CSMD1: variants seen among roughly 807,000 people sequenced by gnomAD.
CSMD1 encodes the protein CUB and sushi domain-containing protein 1.
CSMD1 carries 213 observed loss-of-function variants against 417.5 expected under a neutral mutation model. The observed-to-expected ratio is 0.51, with a 90% confidence interval of 0.46 to 0.57. The LOEUF is 0.57. Among genes scored for constraint, CSMD1 ranks in the 20% least tolerant of loss-of-function variants. CSMD1 has a pLI of 0.00. For synonymous variants in CSMD1, 2,862 were observed against 1,736.8 expected (o/e 1.65, Z -16.11); for missense variants, 6,923 against 4,529.7 (o/e 1.53, Z -15.17).
chr8:4,416,108 C>G (rs1356197886), intron 3 of CSMD1, among the ~76,000 whole-genome samples: 2 of 152,126 alleles, frequency 1.3e-5, no homozygotes. Flanking sequence ...AAATTGTGTC[C>G]TATCTGTACA....
At chr8:3,150,407 T>G (rs1490438593) in intron 40 of CSMD1, among the ~76,000 whole-genome samples, 1 of 152,186 alleles carries the variant, frequency 6.6e-6, no homozygotes, top group African/African-American at 2.4e-5. Context: ...CTGATTGACC[T>G]GTCGGGCCGT....
chr8:4,983,098 C>T (rs1810987546), intron 1 of CSMD1, among the ~76,000 whole-genome samples: 3 of 152,086 alleles, frequency 2.0e-5, no homozygotes, highest in South Asian at 4.1e-4. Flanking sequence ...ACTCAGTATA[C>T]AAAGAAAAAC....
At chr8:2,961,242 A>C (rs761876115) in intron 61 of CSMD1, 28 bp from the exon 62 acceptor site, 2 of 1,428,494 alleles carry the variant, frequency 1.4e-6, no homozygotes, top group East Asian at 2.3e-5. Context: ...AAAAGAAAAG[A>C]GGGCACCAGA....
chr8:3,936,656 G>A (rs139318499), intron 5 of CSMD1, among the ~76,000 whole-genome samples: 10 of 152,146 alleles, frequency 6.6e-5, no homozygotes, highest in Non-Finnish European at 1.5e-4. Flanking sequence ...TCTAAATATT[G>A]CTGCTCTTTA....
intron 3 of CSMD1, among the ~76,000 whole-genome samples, chr8:4,054,638 A>G (rs536021315): frequency 1.3e-5 from 2 of 152,254 alleles, no homozygotes; most frequent in Admixed American, 1.3e-4. Flanking sequence ...TAAAACACAT[A>G]GGTAATGAAC....
chr8:3,171,297 T>G (rs767129900), intron 37 of CSMD1, among the ~76,000 whole-genome samples: 31 of 152,180 alleles, frequency 2.0e-4, no homozygotes, highest in Non-Finnish European at 4.0e-4. Context: ...AAGTAAAGAA[T>G]AGACAACCTG....
At chr8:3,442,936 T>C (rs1025695770) in intron 12 of CSMD1, among the ~76,000 whole-genome samples, 1 of 152,242 alleles carries the variant, frequency 6.6e-6, no homozygotes, top group African/African-American at 2.4e-5. Flanking sequence ...TGTGTAGAAT[T>C]GCTGTCAATT....
chr8:4,402,218 C>A (rs1045359794), intron 3 of CSMD1, among the ~76,000 whole-genome samples: 1 of 152,284 alleles, frequency 6.6e-6, no homozygotes, highest in African/African-American at 2.4e-5. Context: ...ATGCTCTTAT[C>A]TCTGTTTTGG....
rs922456850 is a variant in CSMD1, at chr8:3,122,590, C to T, written c.6242-4003G>A. Among the ~76,000 whole-genome samples the T allele has an allele frequency of 2.7e-4, 41 of 152,156 alleles. 1 individual carries two copies. On this transcript the variant is annotated intron_variant, in intron 41 of 69. Transcript: ENST00000635120. ...AGGGACCCAGGGGAGGTAATTGCAT[C>T]AGAGGGTCCAATCAATCTCATACTA...
chr8:3,714,668 C>G (rs534010483), intron 6 of CSMD1, among the ~76,000 whole-genome samples: 8 of 151,344 alleles, frequency 5.3e-5, no homozygotes, highest in Admixed American at 4.0e-4. Flanking sequence ...ACCCCGGAGG[C>G]AGAGTTTGCA....
chr8:4,775,838 T>C (rs1429406461), intron 1 of CSMD1, among the ~76,000 whole-genome samples: 1 of 152,080 alleles, frequency 6.6e-6, no homozygotes, highest in Non-Finnish European at 1.5e-5. Flanking sequence ...CCCCTTAATA[T>C]TGTTAAGAAA....
chr8:4,900,500 A>C (rs1192749586), intron 1 of CSMD1, among the ~76,000 whole-genome samples: 3 of 152,064 alleles, frequency 2.0e-5, no homozygotes, highest in Admixed American at 6.6e-5. Flanking sequence ...CCAGGCTGTC[A>C]TCACTTCTGG....
At chr8:3,821,824 A>C (rs917674837) in intron 5 of CSMD1, among the ~76,000 whole-genome samples, 6 of 152,144 alleles carry the variant, frequency 3.9e-5, no homozygotes, top group Non-Finnish European at 7.4e-5. Flanking sequence ...AAAAAGTTTA[A>C]TGGGAGAAAC....
intron 8 of CSMD1, among the ~76,000 whole-genome samples, chr8:3,611,348 C>A (rs944141025): frequency 1.3e-5 from 2 of 151,908 alleles, no homozygotes; most frequent in Admixed American, 6.6e-5. Context: ...CTTGGTGAAG[C>A]CTGAGGGAGC....
At chr8:3,357,701 T>C (rs546121837) in intron 21 of CSMD1, among the ~76,000 whole-genome samples, 19 of 152,168 alleles carry the variant, frequency 1.2e-4, no homozygotes, top group Non-Finnish European at 2.6e-4. Flanking sequence ...TTTCAAACTA[T>C]CTCAGTCAGG....
intron 2 of CSMD1, among the ~76,000 whole-genome samples, chr8:4,431,848 C>G (rs1447782635): frequency 6.6e-6 from 1 of 151,744 alleles, no homozygotes; most frequent in Non-Finnish European, 1.5e-5. Context: ...AAATGTGGGC[C>G]TATTTTCTTG....
intron 1 of CSMD1, among the ~76,000 whole-genome samples, chr8:4,676,475 C>T (rs978109695): frequency 1.3e-5 from 2 of 152,124 alleles, no homozygotes; most frequent in African/African-American, 4.8e-5. Context: ...AACTCTCCTT[C>T]AACTTATCAC....
rs397757527 is a variant in CSMD1 at position 4,841,911 on chromosome 8, CAAAAAAA to C, written c.85+152414_85+152420del. On this transcript the variant is annotated intron_variant, in intron 1 of 69. Coordinates refer to ENST00000635120, the MANE Select transcript of CSMD1 (RefSeq NM_033225.6). ...GGGCAACAAGAGCAAAACTCCGTCTCAAAAAAAAAAAAAAAAAAAAAAAAAAAGTTCA... is the reference window on the plus strand; with the variant it reads ...GGGCAACAAGAGCAAAACTCCGTCTCAAAAAAAAAAAAAAAAAAAAGTTCA... 8.0e-3 allele frequency among the ~76,000 whole-genome samples: 277 copies of C among 34,834 alleles called. 1 individual carries two copies. Among genetic ancestry groups the C allele is most frequent in the African/African-American group, 0.046 (261 of 5,718 alleles). The allele number at this position is 34,834 out of a possible 152,430, so 22.9% of individuals were successfully genotyped here.
intron 3 of CSMD1, among the ~76,000 whole-genome samples, chr8:4,049,304 T>A (rs555548092): frequency 1.3e-5 from 2 of 151,968 alleles, no homozygotes; most frequent in Non-Finnish European, 2.9e-5. Context: ...GTAGGACATT[T>A]TGCAACATCT....
Sources: gnomAD v4.1 joint callset for allele counts (sites outside exome capture counted in the v4.1 genomes callset) on GRCh38, gnomAD v4.1.1 for gene constraint, MANE v1.5 for transcripts, NCBI Gene and HGNC (gene_info 2026-07-23, HGNC 2026-07-21) for gene names.